PPP1R26: variants seen among roughly 807,000 people sequenced by gnomAD.
PPP1R26 encodes the protein 1A6/DRIM (down-regulated in metastasis) interacting protein.
A neutral mutation model predicts 67.6 loss-of-function variants in PPP1R26; 22 were observed. The ratio of observed to expected loss-of-function variants is 0.33; its 90% CI spans 0.23 to 0.46. PPP1R26 has a LOEUF of 0.46. PPP1R26 is among the 20% of genes least tolerant of loss of function. The probability of loss-of-function intolerance (pLI) is 1.00; values close to 1 mark genes in which losing one functional copy is unlikely to be tolerated. For synonymous variants in PPP1R26, 729 were observed against 717.2 expected (o/e 1.02, Z -0.26); for missense variants, 1,602 against 1,651.4 (o/e 0.97, Z 0.52).
In PPP1R26 at chr9:135,485,254, A is replaced by G. The variant is rs562285960; in HGVS notation, c.744A>G (p.Ser248=). 5 of 1,612,994 alleles carry G rather than the reference A, an allele frequency of 3.1e-6. No homozygotes were observed. In the Admixed American group the frequency reaches 8.3e-5, roughly 27 times the overall value. Residue 248 remains serine, a synonymous_variant, in exon 4 of 4, where the codon TCA becomes TCG. Coordinates refer to ENST00000356818, the MANE Select transcript of PPP1R26 (RefSeq NM_014811.5). This position sits in a 1 kb window ranked among gnomAD's most constrained non-coding sequence, Gnocchi z 7.2. Reference sequence around the variant, plus strand: ...ATGAGACCCAAAAATGTGATGGGTCAGTGGAGAAGAAACCAGACACAAATG... The same window carrying G: ...ATGAGACCCAAAAATGTGATGGGTCGGTGGAGAAGAAACCAGACACAAATG... ...RQHETQKCDG[S]VEKKPDTNEN... is the part of the protein sequence containing the mutation.
Position 135,484,057 on chromosome 9 carries a change from A to G in PPP1R26, c.-88A>G, listed in dbSNP as rs1830614898. ...AAGAAGCATTTGCAGACGTTGTCTCATGGGTACCGCTTGCCAACTTTGGAG... is the reference window on the plus strand; with the variant it reads ...AAGAAGCATTTGCAGACGTTGTCTCGTGGGTACCGCTTGCCAACTTTGGAG... On this transcript the variant is annotated 5_prime_UTR_variant, in exon 3 of 4. It removes an upstream start codon present in the reference 5' UTR. Transcript: ENST00000356818. 7.4e-6 allele frequency: 3 copies of G among 406,480 alleles called. No homozygotes were observed. The highest frequency in any genetic ancestry group is 2.1e-5 in the African/African-American group (1 of 48,654). The allele number at this position is 406,480 out of a possible 1,614,324, so 25.2% of individuals were successfully genotyped here.
rs148842659 is a variant in PPP1R26, at chr9:135,485,887, G to A, written c.1377G>A (p.Ala459=). The change falls in exon 4 of 4, where the codon GCG becomes GCA. Residue 459 remains alanine (A), a synonymous_variant. Coordinates refer to ENST00000356818, the MANE Select transcript of PPP1R26 (RefSeq NM_014811.5). This position sits in a 1 kb window ranked among gnomAD's most constrained non-coding sequence, Gnocchi z 7.2. ...AGGAAACCAAAGCTCCACCTCCAGCGAGCCCTGCTTCCAGGAGTGAGTTTG... is the reference window on the plus strand; with the variant it reads ...AGGAAACCAAAGCTCCACCTCCAGCAAGCCCTGCTTCCAGGAGTGAGTTTG... ...LLKETKAPPP[A]SPASRSEFVE... is the part of the protein sequence containing the mutation. 12 of 1,613,382 alleles carry A rather than the reference G, an allele frequency of 7.4e-6. No individual in the cohort carries two copies. The highest frequency in any genetic ancestry group is 3.3e-4 in the Middle Eastern group (2 of 6,084).
chr9:135,487,721 C>T lies in PPP1R26; in HGVS notation c.3211C>T (p.Pro1071Ser). Residue 1071 changes from proline (P) to serine (S), a missense_variant, in exon 4 of 4, where the codon CCC (proline) becomes TCC (serine). Physicochemically the swap from Pro to Ser is moderately conservative, Grantham distance 74. Transcript: ENST00000356818. ...KGSEGPARGL[P>S]SLPLAGFSPL... ...GTCCGAGGGCCCCGCCCGGGGCCTG[C>T]CCAGCCTGCCCCTTGCGGGCTTCTC... 6.9e-7 allele frequency: 1 copy of T among 1,451,020 alleles called. No individual in the cohort carries two copies. The highest frequency in any genetic ancestry group is 9.1e-7 in the Non-Finnish European group (1 of 1,101,652). The allele number at this position is 1,451,020 out of a possible 1,614,324, so 89.9% of individuals were successfully genotyped here.
Position 135,486,409 on chromosome 9 carries a change from G to A in PPP1R26, c.1899G>A (p.Glu633=), listed in dbSNP as rs1307252284. Reference sequence around the variant, plus strand: ...AGGGGAGAGCTGAGCCCGGCCATGAGAGGCGAGACCTGCCCATCCAGGGCA... The same window carrying A: ...AGGGGAGAGCTGAGCCCGGCCATGAAAGGCGAGACCTGCCCATCCAGGGCA... The part of the protein sequence containing the change: ...HSQGRAEPGH[E]RRDLPIQGKA... Residue 633 remains glutamate, a synonymous_variant, in exon 4 of 4, where the codon GAG becomes GAA. Transcript: ENST00000356818. The surrounding 1 kb of genome is among the most constrained non-coding windows in gnomAD (Gnocchi z 6.2). 9 of 1,613,042 alleles carry A rather than the reference G, an allele frequency of 5.6e-6. No homozygotes were observed. Among genetic ancestry groups the A allele is most frequent in the Non-Finnish European group, 5.9e-6 (7 of 1,179,890 alleles).
rs1014099053 is a variant in PPP1R26, at chr9:135,486,743, A to G, written c.2233A>G (p.Arg745Gly). 6.4e-6 allele frequency: 10 copies of G among 1,567,304 alleles called. No individual in the cohort carries two copies. The highest frequency in any genetic ancestry group is 2.4e-5 in the East Asian group (1 of 42,180). ...CGGGCTCCGGAGAGACTGGAAAGAC[A>G]GGGGCCCGCCAGTGCTGAAGAGCTG... ...LGGLRRDWKDRGPPVLKSCLS... is the reference protein window; with the variant it reads ...LGGLRRDWKDGGPPVLKSCLS... The change falls in exon 4 of 4, where the codon AGG becomes GGG. Residue 745 changes from arginine to glycine, a missense_variant. This residue lies in a region of PPP1R26 where 740 missense variants were observed against 696.3 expected (regional missense o/e 1.06). Transcript: ENST00000356818. This position sits in a 1 kb window ranked among gnomAD's most constrained non-coding sequence, Gnocchi z 6.2.
At chr9:135,483,186 T>C (rs570814210) in intron 2 of PPP1R26, among the ~76,000 whole-genome samples, 3 of 152,094 alleles carry the variant, frequency 2.0e-5, no homozygotes, top group Admixed American at 2.0e-4. Flanking sequence ...GAGATGGAGT[T>C]TCACTATATT....
chr9:135,482,473 T>C (rs1362996267), intron 1 of PPP1R26, among the ~76,000 whole-genome samples: 4 of 152,238 alleles, frequency 2.6e-5, no homozygotes, highest in African/African-American at 9.6e-5. Flanking sequence ...CTGTCCAGGA[T>C]AGCTATACAT....
chr9:135,488,199 C>T lies in PPP1R26; in HGVS notation c.*59C>T, dbSNP rs529401602. ...GTGCATTCGTGGAAAGCGGCGTAGCCGTGCGTGTGTGTGATGGTTCCGTGG... is the reference window on the plus strand; with the variant it reads ...GTGCATTCGTGGAAAGCGGCGTAGCTGTGCGTGTGTGTGATGGTTCCGTGG... On this transcript the variant is annotated 3_prime_UTR_variant, in exon 4 of 4. Transcript: ENST00000356818. The T allele has an allele frequency of 3.4e-6, 5 of 1,469,382 alleles. No homozygotes were observed. The highest frequency in any genetic ancestry group is 1.4e-5 in the African/African-American group (1 of 70,764). 91.0% of individuals were successfully genotyped at this position (1,469,382 alleles called of 1,614,324 possible). A position where few individuals can be genotyped will look rare whatever the true frequency, so the allele number is the denominator to read the frequency against.
In PPP1R26 at chr9:135,488,255, T is replaced by C. The variant is rs1830844399; in HGVS notation, c.*115T>C. ...AGGAAGGGAAACAGTCTATTATACATAGCCCTGTATATATGTACACCAACA... is the reference window on the plus strand; with the variant it reads ...AGGAAGGGAAACAGTCTATTATACACAGCCCTGTATATATGTACACCAACA... On this transcript the variant is annotated 3_prime_UTR_variant, in exon 4 of 4. Coordinates refer to ENST00000356818, the MANE Select transcript of PPP1R26 (RefSeq NM_014811.5). 8 of 1,323,476 alleles carry C rather than the reference T, an allele frequency of 6.0e-6. No individual in the cohort carries two copies. Among genetic ancestry groups the C allele is most frequent in the Admixed American group, 3.3e-5 (1 of 30,076 alleles). The allele number at this position is 1,323,476 out of a possible 1,614,324, so 82.0% of individuals were successfully genotyped here.
In PPP1R26 at chr9:135,487,155, C is replaced by G. The variant is rs1450580837; in HGVS notation, c.2645C>G (p.Pro882Arg). 1 of 1,609,120 alleles carries G rather than the reference C, an allele frequency of 6.2e-7. No individual in the cohort carries two copies. Among genetic ancestry groups the G allele is most frequent in the Admixed American group, 1.7e-5 (1 of 59,916 alleles). The stretch of plus-strand genomic sequence containing the variant: ...CCAGAGGTGCTGTGCAGGAAGGAGC[C>G]TGCCCCACCGCCTGGCGTGTGCACA... The part of the protein sequence containing the change: ...ARPEVLCRKE[P>R]APPPGVCTRS... The change falls in exon 4 of 4, where the codon CCT becomes CGT. Residue 882 changes from proline to arginine, a missense_variant. Physicochemically the swap from Pro to Arg is moderately radical, Grantham distance 103. Coordinates refer to ENST00000356818, the MANE Select transcript of PPP1R26 (RefSeq NM_014811.5).
Position 135,486,808 on chromosome 9 carries a change from G to T in PPP1R26, c.2298G>T (p.Gly766=). The T allele has an allele frequency of 6.2e-7, 1 of 1,605,508 alleles. No individual in the cohort carries two copies. The highest frequency in any genetic ancestry group is 1.7e-5 in the Admixed American group (1 of 58,190). The part of the protein sequence containing the change: ...KSKRDSGEGP[G]KKPPSVFGST... ...AGAGAGACAGTGGCGAGGGTCCTGG[G>T]AAGAAACCCCCCAGTGTCTTTGGCA... Residue 766 remains glycine, a synonymous_variant, in exon 4 of 4, where the codon GGG becomes GGT. Transcript: ENST00000356818. The surrounding 1 kb of genome is among the most constrained non-coding windows in gnomAD (Gnocchi z 6.2).
In PPP1R26 at chr9:135,487,709, G is replaced by C; in HGVS notation, c.3199G>C (p.Ala1067Pro). The C allele has an allele frequency of 6.9e-7, 1 of 1,450,318 alleles. No individual in the cohort carries two copies. Among genetic ancestry groups the C allele is most frequent in the South Asian group, 1.5e-5 (1 of 68,744 alleles). 89.8% of individuals were successfully genotyped at this position (1,450,318 alleles called of 1,614,324 possible). A position where few individuals can be genotyped will look rare whatever the true frequency, so the allele number is the denominator to read the frequency against. The change falls in exon 4 of 4, where the codon GCC becomes CCC. Residue 1067 changes from alanine (A) to proline (P), a missense_variant. By Grantham distance (27) the Ala-to-Pro change is conservative (BLOSUM62 -1). Coordinates refer to ENST00000356818, the MANE Select transcript of PPP1R26 (RefSeq NM_014811.5). ...SERDKGSEGP[A>P]RGLPSLPLAG... is the part of the protein sequence containing the mutation. The stretch of plus-strand genomic sequence containing the variant: ...GAGAGACAAGGGGTCCGAGGGCCCC[G>C]CCCGGGGCCTGCCCAGCCTGCCCCT...
Position 135,487,379 on chromosome 9 carries a change from A to C in PPP1R26, c.2869A>C (p.Asn957His), listed in dbSNP as rs750024726. The C allele has an allele frequency of 6.4e-7, 1 of 1,566,934 alleles. No individual in the cohort carries two copies. ...SAKGLSVSRR[N>H]VYVHKDQSPR... ...CAAGGGGCTCTCAGTGAGCAGGAGA[A>C]ATGTTTACGTTCACAAAGACCAGAG... The change falls in exon 4 of 4, where the codon AAT becomes CAT. Residue 957 changes from asparagine to histidine, a missense_variant. Asn to His is a moderately conservative substitution (Grantham distance 68, BLOSUM62 1). Coordinates refer to ENST00000356818, the MANE Select transcript of PPP1R26 (RefSeq NM_014811.5).
chr9:135,482,424 C>T (rs1830552503), intron 1 of PPP1R26, among the ~76,000 whole-genome samples: 1 of 152,160 alleles, frequency 6.6e-6, no homozygotes, highest in Non-Finnish European at 1.5e-5. Context: ...ACGTCACATA[C>T]GTGCCCCATC....
chr9:135,488,292 T>A lies in PPP1R26; in HGVS notation c.*152T>A. ...TATGTACACCAACATGAAACTTTTATTTAACAGACGTGTCCTGGTAAATAT... is the reference window on the plus strand; with the variant it reads ...TATGTACACCAACATGAAACTTTTAATTAACAGACGTGTCCTGGTAAATAT... On this transcript the variant is annotated 3_prime_UTR_variant, in exon 4 of 4. Coordinates refer to ENST00000356818, the MANE Select transcript of PPP1R26 (RefSeq NM_014811.5). 1 of 1,180,384 alleles carries A rather than the reference T, an allele frequency of 8.5e-7. No individual in the cohort carries two copies. Among genetic ancestry groups the A allele is most frequent in the Non-Finnish European group, 1.1e-6 (1 of 925,896 alleles). The allele number at this position is 1,180,384 out of a possible 1,614,324, so 73.1% of individuals were successfully genotyped here.
In PPP1R26 at chr9:135,486,693, A is replaced by G. The variant is rs367901853; in HGVS notation, c.2183A>G (p.Gln728Arg). Residue 728 changes from glutamine (Q) to arginine (R), a missense_variant, in exon 4 of 4, where the codon CAG (glutamine) becomes CGG (arginine). Physicochemically the swap from Gln to Arg is conservative, Grantham distance 43 (BLOSUM62 1). Around this residue, in one of 5 missense-constraint regions of PPP1R26, gnomAD observed 740 missense variants for 696.3 expected, o/e 1.06. Transcript: ENST00000356818. This position sits in a 1 kb window ranked among gnomAD's most constrained non-coding sequence, Gnocchi z 6.2. ...CRKKVRFSTA[Q>R]THFLEQLGGL... is the part of the protein sequence containing the mutation. ...AAGAAGGTCAGGTTCAGCACAGCCC[A>G]GACGCACTTCTTGGAGCAGCTGGGC... 3 of 1,599,280 alleles carry G rather than the reference A, an allele frequency of 1.9e-6. No individual in the cohort carries two copies. The highest frequency in any genetic ancestry group is 2.3e-5 in the East Asian group (1 of 44,382).
rs1038710361 is a variant in PPP1R26 at position 135,479,991 on chromosome 9, T to C, written c.-360T>C. ...ACGTGGGACGCGGGCGCAGGCGGGG[T>C]CCGCGCGGCGGGCGGCGGGGGACGG... On this transcript the variant is annotated 5_prime_UTR_variant, in exon 1 of 4. Transcript: ENST00000356818. This position sits in a 1 kb window ranked among gnomAD's most constrained non-coding sequence, Gnocchi z 5.9. 7.3e-6 allele frequency: 1 copy of C among 136,860 alleles called. No individual in the cohort carries two copies. 8.5% of individuals were successfully genotyped at this position (136,860 alleles called of 1,614,324 possible).
upstream of PPP1R26, among the ~76,000 whole-genome samples, chr9:135,479,474 G>T (rs1254414985): frequency 6.7e-6 from 1 of 150,346 alleles, no homozygotes; most frequent in Non-Finnish European, 1.5e-5. The surrounding 1 kb of genome is among the most constrained non-coding windows in gnomAD (Gnocchi z 5.9). Flanking sequence ...CGCGGTACGG[G>T]AGGCGGGCAG....
Position 135,486,147 on chromosome 9 carries a change from C to T in PPP1R26, c.1637C>T (p.Ala546Val), listed in dbSNP as rs751135048. Reference protein sequence around the residue: ...QEIRTFLALKAQSGSLLARGE... With the variant: ...QEIRTFLALKVQSGSLLARGE... Reference sequence around the variant, plus strand: ...ATCCGGACATTTTTGGCCCTAAAGGCGCAGTCAGGGAGTTTGCTGGCCAGA... The same window carrying T: ...ATCCGGACATTTTTGGCCCTAAAGGTGCAGTCAGGGAGTTTGCTGGCCAGA... The change falls in exon 4 of 4, where the codon GCG becomes GTG. Residue 546 changes from alanine (A) to valine (V), a missense_variant. Ala to Val is a moderately conservative substitution (Grantham distance 64). Coordinates refer to ENST00000356818, the MANE Select transcript of PPP1R26 (RefSeq NM_014811.5). The surrounding 1 kb of genome is among the most constrained non-coding windows in gnomAD (Gnocchi z 6.2). 6.8e-6 allele frequency: 11 copies of T among 1,612,990 alleles called. No individual in the cohort carries two copies. Among genetic ancestry groups the T allele is most frequent in the South Asian group, 2.2e-5 (2 of 91,072 alleles).
Sources: gnomAD v4.1 joint callset for allele counts (sites outside exome capture counted in the v4.1 genomes callset) on GRCh38, gnomAD v4.1.1 for gene constraint, gnomAD v4.1.1 regional missense constraint, Gnocchi (gnomAD v3.1) non-coding constraint, MANE v1.5 for transcripts, NCBI Gene and HGNC (gene_info 2026-07-23, HGNC 2026-07-21) for gene names.